COL20A1: variants seen among roughly 807,000 people sequenced by gnomAD.
COL20A1 encodes collagen alpha-1(XX) chain.
In COL20A1, 164 loss-of-function variants were observed where a neutral mutation model predicts 152.9. The ratio of observed to expected loss-of-function variants is 1.07; its 90% CI spans 0.94 to 1.22. COL20A1 has a LOEUF of 1.22. COL20A1 is among the 50% of genes most tolerant of loss of function. COL20A1 has a pLI of 0.00. For synonymous variants in COL20A1, 864 were observed against 756.0 expected (o/e 1.14, Z -2.34); for missense variants, 1,873 against 1,744.8 (o/e 1.07, Z -1.31).
chr20:63,299,570 G>T (rs1568763707), intron 3 of COL20A1, among the ~76,000 whole-genome samples: 1 of 152,146 alleles, frequency 6.6e-6, no homozygotes, highest in East Asian at 1.9e-4. Context: ...GAACAGTTCT[G>T]TTACCCCAAG....
rs2067915549 is a variant in COL20A1, at chr20:63,305,667, T to C, written c.337+107T>C. 1 of 1,307,934 alleles carries C rather than the reference T, an allele frequency of 7.6e-7. No homozygotes were observed. Among genetic ancestry groups the C allele is most frequent in the Non-Finnish European group, 1.0e-6 (1 of 964,464 alleles). 81.0% of individuals were successfully genotyped at this position (1,307,934 alleles called of 1,614,324 possible). A position where few individuals can be genotyped will look rare whatever the true frequency, so the allele number is the denominator to read the frequency against. The stretch of plus-strand genomic sequence containing the variant: ...CCAGGCTGCGTTCCAGCCCCAGGGG[T>C]GGGTATGTGTGAAGCAGTTCTGGGC... On this transcript the variant is annotated intron_variant, in intron 4 of 35. Transcript: ENST00000358894. This position sits in a 1 kb window ranked among gnomAD's most constrained non-coding sequence, Gnocchi z 4.9.
chr20:63,301,972 T>C (rs1434486471), intron 3 of COL20A1, among the ~76,000 whole-genome samples: 2 of 152,224 alleles, frequency 1.3e-5, no homozygotes, highest in African/African-American at 2.4e-5. Flanking sequence ...TATTCTCCGC[T>C]TTCTTGTCTT....
Position 63,326,166 on chromosome 20 carries a change from C to T in COL20A1, c.3456+17C>T. The stretch of plus-strand genomic sequence containing the variant: ...GGCCCCAGGGTAGGCACCGACCTCC[C>T]ATGACCCCGACCCCCACCCAGGGTT... On this transcript the variant is annotated intron_variant, in intron 30 of 35. Coordinates refer to ENST00000358894, the MANE Select transcript of COL20A1 (RefSeq NM_020882.4). 1.9e-6 allele frequency: 3 copies of T among 1,603,278 alleles called. No homozygotes were observed. The highest frequency in any genetic ancestry group is 1.7e-6 in the Non-Finnish European group (2 of 1,171,366).
intron 27 of COL20A1, among the ~76,000 whole-genome samples, chr20:63,323,287 G>A (rs1568786848): frequency 1.3e-5 from 2 of 152,220 alleles, no homozygotes; most frequent in Admixed American, 1.3e-4. Flanking sequence ...TTTTGACTGC[G>A]TTTGGCATTT....
chr20:63,314,470 C>T (rs2068058273), intron 19 of COL20A1, among the ~76,000 whole-genome samples: 1 of 152,170 alleles, frequency 6.6e-6, no homozygotes, highest in South Asian at 2.1e-4. Flanking sequence ...GGTTTTTTGT[C>T]TCTTGCTGGT....
chr20:63,326,229 ACCAGCTG>A, intron 30 of COL20A1, 80 bp downstream of exon 30: 5 of 1,098,194 alleles, frequency 4.6e-6, no homozygotes, highest in Non-Finnish European at 7.0e-6. Context: ...CAGTCTGAAC[ACCAGCTG>A]CCACCCCTAG....
intron 2 of COL20A1, among the ~76,000 whole-genome samples, chr20:63,296,658 C>T (rs2123369339): frequency 6.6e-6 from 1 of 152,318 alleles, no homozygotes; most frequent in South Asian, 2.1e-4. Context: ...CTGACGTTCT[C>T]AGGCAGAGTG....
At chr20:63,309,285 T>C (rs1029685718) in intron 8 of COL20A1, 48 bp from the exon 9 acceptor site, 5 of 1,365,104 alleles carry the variant, frequency 3.7e-6, no homozygotes, top group Admixed American at 3.2e-5. Context: ...GGTGGCCCCG[T>C]CGGGTGACCC....
intron 35 of COL20A1, among the ~76,000 whole-genome samples, chr20:63,330,109 G>A (rs1327087087): frequency 6.6e-6 from 1 of 152,116 alleles, no homozygotes; most frequent in Non-Finnish European, 1.5e-5. Flanking sequence ...ATGTCGATGA[G>A]AGAGGCAGGG....
At position 63,305,404 on chromosome 20, in the gene COL20A1, C is replaced by T; in HGVS notation, c.194-13C>T. The T allele has an allele frequency of 6.7e-7, 1 of 1,491,980 alleles. No individual in the cohort carries two copies. The highest frequency in any genetic ancestry group is 8.9e-7 in the Non-Finnish European group (1 of 1,123,932). The allele number at this position is 1,491,980 out of a possible 1,614,324, so 92.4% of individuals were successfully genotyped here. A position where few individuals can be genotyped will look rare whatever the true frequency, so the allele number is the denominator to read the frequency against. On this transcript the variant is annotated splice_polypyrimidine_tract_variant and intron_variant, in intron 3 of 35. Coordinates refer to ENST00000358894, the MANE Select transcript of COL20A1 (RefSeq NM_020882.4). This position sits in a 1 kb window ranked among gnomAD's most constrained non-coding sequence, Gnocchi z 4.9. Reference sequence around the variant, plus strand: ...GCACCTTGGCCTCTAAAGCTCTCCCCACCCCTACCCAGGGGACTCGGAACA... The same window carrying T: ...GCACCTTGGCCTCTAAAGCTCTCCCTACCCCTACCCAGGGGACTCGGAACA...
At chr20:63,294,949 G>A (rs2123365129) in intron 1 of COL20A1, 149 bp from the exon 2 acceptor site, 1 of 587,202 alleles carries the variant, frequency 1.7e-6, no homozygotes, top group Non-Finnish European at 3.0e-6. Flanking sequence ...ACAGGTTGCA[G>A]GCCTCTGGTC....
chr20:63,296,226 G>A (rs1416980955), intron 2 of COL20A1, among the ~76,000 whole-genome samples: 1 of 152,288 alleles, frequency 6.6e-6, no homozygotes, highest in South Asian at 2.1e-4. Flanking sequence ...CTCAGACAGG[G>A]TAACCCTGCC....
intron 27 of COL20A1, among the ~76,000 whole-genome samples, chr20:63,322,583 C>T (rs909445187): frequency 1.3e-5 from 2 of 152,196 alleles, no homozygotes; most frequent in African/African-American, 4.8e-5. Context: ...GGAGGTGTTT[C>T]GGGGGCGGAG....
At chr20:63,299,523 A>G (rs557142238) in intron 3 of COL20A1, among the ~76,000 whole-genome samples, 4 of 152,260 alleles carry the variant, frequency 2.6e-5, no homozygotes, top group Non-Finnish European at 4.4e-5. Flanking sequence ...TTATCACATG[A>G]ATTCAATCCT....
chr20:63,321,957 G>T, intron 26 of COL20A1, 101 bp from the exon 27 acceptor site: 1 of 914,254 alleles, frequency 1.1e-6, no homozygotes. Flanking sequence ...GGTGGGGCAT[G>T]GGGCTCAGGG....
chr20:63,317,447 G>A (rs1159743406), intron 21 of COL20A1, among the ~76,000 whole-genome samples: 7 of 130,752 alleles, frequency 5.4e-5, no homozygotes, highest in African/African-American at 1.7e-4. Flanking sequence ...CTGGGCACCA[G>A]AGCAATACTC....
chr20:63,310,008 A>C, intron 10 of COL20A1, 93 bp downstream of exon 10: 1 of 1,173,346 alleles, frequency 8.5e-7, no homozygotes, highest in Non-Finnish European at 1.2e-6. Context: ...AAGGCCCACA[A>C]ATAACTGGGT....
chr20:63,297,797 G>A (rs2067817160), intron 2 of COL20A1, 113 bp from the exon 3 acceptor site: 24 of 788,328 alleles, frequency 3.0e-5, no homozygotes, highest in Admixed American at 4.8e-5. Context: ...GGGTCCCCCG[G>A]GATAGGACTG....
At chr20:63,329,276 A>G (rs1397563019) in intron 34 of COL20A1, 2 of 375,820 alleles carry the variant, frequency 5.3e-6, no homozygotes, top group African/African-American at 4.3e-5. Flanking sequence ...GGGGTACATC[A>G]CTACTCAGAA....
Sources: gnomAD v4.1 joint callset for allele counts (sites outside exome capture counted in the v4.1 genomes callset) on GRCh38, gnomAD v4.1.1 for gene constraint, Gnocchi (gnomAD v3.1) non-coding constraint, MANE v1.5 for transcripts, NCBI Gene and HGNC (gene_info 2026-07-23, HGNC 2026-07-21) for gene names.